GPM6A: variants seen among roughly 807,000 people sequenced by gnomAD.
The protein encoded by GPM6A is glycoprotein M6A, also known as neuronal membrane glycoprotein M6-a.
GPM6A carries 7 observed loss-of-function variants against 32.1 expected under a neutral mutation model. The observed-to-expected ratio is 0.22, with a 90% confidence interval of 0.12 to 0.41. GPM6A has a LOEUF of 0.41. Ranked by LOEUF, GPM6A falls within the 10% of genes least tolerant of loss-of-function variation. The pLI is 1.00. For synonymous variants in GPM6A, 130 were observed against 123.4 expected, an observed-to-expected ratio of 1.05 and a Z score of -0.35; for missense variants, 235 against 347.2, an observed-to-expected ratio of 0.68 and a Z score of 2.57.
At chr4:175,768,507 A>G (rs1480585135) in intron 1 of GPM6A, among the ~76,000 whole-genome samples, 2 of 152,160 alleles carry the variant, frequency 1.3e-5, no homozygotes, top group African/African-American at 2.4e-5. Flanking sequence ...AGCAAACAGA[A>G]AAGAGAATAA....
At chr4:175,675,054 A>T (rs887648222) in intron 2 of GPM6A, among the ~76,000 whole-genome samples, 1 of 152,136 alleles carries the variant, frequency 6.6e-6, no homozygotes, top group Non-Finnish European at 1.5e-5. Flanking sequence ...TAACTAGGAA[A>T]TGATATTCAA....
At chr4:175,939,837 G>T (rs1739349385) in intron 1 of GPM6A, among the ~76,000 whole-genome samples, 1 of 150,918 alleles carries the variant, frequency 6.6e-6, no homozygotes, top group South Asian at 2.1e-4. Flanking sequence ...GCATTTATCT[G>T]CTTCACTCTT....
intron 1 of GPM6A, among the ~76,000 whole-genome samples, chr4:175,717,122 C>T (rs995337985): frequency 6.6e-6 from 1 of 152,050 alleles, no homozygotes; most frequent in African/African-American, 2.4e-5. Context: ...CATCATTTCC[C>T]ACTGCGGCCC....
intron 1 of GPM6A, among the ~76,000 whole-genome samples, chr4:175,997,897 A>G (rs934451761): frequency 6.6e-6 from 1 of 152,144 alleles, no homozygotes; most frequent in African/African-American, 2.4e-5. Flanking sequence ...ATGTTGGGGC[A>G]TTTAGTACGT....
chr4:175,636,291 T>TAC (rs1342340285), intron 6 of GPM6A, among the ~76,000 whole-genome samples: 1 of 133,846 alleles, frequency 7.5e-6, no homozygotes, highest in Non-Finnish European at 1.6e-5. Context: ...TATATATATA[T>TAC]ATATATACAT....
intron 1 of GPM6A, among the ~76,000 whole-genome samples, chr4:175,874,900 T>G (rs189697165): frequency 6.6e-6 from 1 of 152,314 alleles, no homozygotes; most frequent in Non-Finnish European, 1.5e-5. Flanking sequence ...AACAATTGTT[T>G]TCTACACTGT....
chr4:175,859,659 TC>T (rs2111417517), intron 1 of GPM6A, among the ~76,000 whole-genome samples: 1 of 152,112 alleles, frequency 6.6e-6, no homozygotes, highest in African/African-American at 2.4e-5. Context: ...CTCTCCCCAC[TC>T]CCCACTCACT....
intron 1 of GPM6A, among the ~76,000 whole-genome samples, chr4:175,743,985 A>G (rs540063274): frequency 1.3e-5 from 2 of 152,048 alleles, no homozygotes; most frequent in African/African-American, 4.8e-5. Context: ...AAAGGTCAAG[A>G]AGGCTATAGA....
intron 1 of GPM6A, among the ~76,000 whole-genome samples, chr4:175,873,875 C>A (rs1215408080): frequency 6.6e-6 from 1 of 152,086 alleles, no homozygotes; most frequent in Non-Finnish European, 1.5e-5. Flanking sequence ...GCTTAATTAT[C>A]TTTGTTTATA....
intron 1 of GPM6A, among the ~76,000 whole-genome samples, chr4:175,871,612 A>G (rs529337551): frequency 1.8e-4 from 27 of 152,302 alleles, no homozygotes; most frequent in East Asian, 1.5e-3. Flanking sequence ...TTGATTCTCA[A>G]GTAATGACAC....
At chr4:175,655,816 A>G (rs1742053457) in intron 3 of GPM6A, among the ~76,000 whole-genome samples, 1 of 152,054 alleles carries the variant, frequency 6.6e-6, no homozygotes, top group South Asian at 2.1e-4. Context: ...GCGAGCTGGA[A>G]ATTATGATAA....
intron 1 of GPM6A, among the ~76,000 whole-genome samples, chr4:175,912,792 TA>T (rs1207902128): frequency 6.6e-6 from 1 of 152,172 alleles, no homozygotes; most frequent in East Asian, 1.9e-4. Context: ...ATACTGCACC[TA>T]CACCCTAGAA....
chr4:175,884,359 A>G (rs953019855), intron 1 of GPM6A, among the ~76,000 whole-genome samples: 15 of 152,192 alleles, frequency 9.9e-5, no homozygotes, highest in African/African-American at 3.4e-4. Context: ...TTTAGCAACT[A>G]TATTCATGGT....
At chr4:175,893,630 C>T (rs974171512) in intron 1 of GPM6A, among the ~76,000 whole-genome samples, 1 of 152,134 alleles carries the variant, frequency 6.6e-6, no homozygotes, top group African/African-American at 2.4e-5. Context: ...AAACTACCCC[C>T]TGAATAGATA....
chr4:175,807,073 A>T (rs1734725159), intron 1 of GPM6A: 1 of 152,242 alleles, frequency 6.6e-6, no homozygotes, highest in Non-Finnish European at 1.5e-5. Flanking sequence ...CTTAGCCACT[A>T]GTCTACAGAC....
intron 1 of GPM6A, among the ~76,000 whole-genome samples, chr4:175,705,542 T>C (rs12512924): frequency 0.36 from 54,575 of 152,026 alleles, 12,217 homozygotes; most frequent in Non-Finnish European, 0.49. Context: ...CAGCGCATTA[T>C]TTCAGTATTC....
At chr4:175,828,001 T>C (rs1389553661) in intron 1 of GPM6A, among the ~76,000 whole-genome samples, 3 of 152,218 alleles carry the variant, frequency 2.0e-5, no homozygotes, top group Non-Finnish European at 4.4e-5. Flanking sequence ...AACTGTATAT[T>C]GTTCTGAGTG....
chr4:175,839,630 A>G (rs545410140), intron 1 of GPM6A, among the ~76,000 whole-genome samples: 2 of 152,278 alleles, frequency 1.3e-5, no homozygotes, highest in East Asian at 3.9e-4. Context: ...AGAAAATATA[A>G]TTTGAACAGA....
intron 1 of GPM6A, among the ~76,000 whole-genome samples, chr4:175,706,116 A>G (rs1352490810): frequency 6.6e-6 from 1 of 152,200 alleles, no homozygotes; most frequent in Non-Finnish European, 1.5e-5. Context: ...AAACATTAGC[A>G]TTTGCCCAAA....
Sources: allele counts gnomAD v4.1 joint callset (sites outside exome capture counted in the v4.1 genomes callset), GRCh38; gene constraint gnomAD v4.1.1; transcripts MANE v1.5; gene names NCBI Gene and HGNC (gene_info 2026-07-23, HGNC 2026-07-21).